The following SEMA3E variants were observed in gnomAD, a reference collection of about 807,000 sequenced individuals.
The protein encoded by SEMA3E is semaphorin 3E.
Under a neutral mutation model 93.6 loss-of-function variants are expected in SEMA3E, and 49 were observed. That is an observed-to-expected ratio of 0.52 (90% CI 0.42 to 0.66). SEMA3E has a LOEUF of 0.66. Ranked by LOEUF, SEMA3E falls within the 30% of genes least tolerant of loss-of-function variation. The pLI, the probability that SEMA3E is intolerant of heterozygous loss-of-function variation, is 0.00. For missense variants in SEMA3E, 906 were observed against 964.8 expected, an observed-to-expected ratio of 0.94 and a Z score of 0.81; for synonymous variants, 363 against 330.7, an observed-to-expected ratio of 1.10 and a Z score of -1.06.
chr7:83,370,993 T>C (rs1350817134), intron 16 of SEMA3E, among the ~76,000 whole-genome samples: 3 of 152,166 alleles, frequency 2.0e-5, no homozygotes, highest in Non-Finnish European at 4.4e-5. Flanking sequence ...GAACCCAAAA[T>C]TGCTTAATGT....
At chr7:83,516,240 A>G (rs907384042) in intron 1 of SEMA3E, among the ~76,000 whole-genome samples, 2 of 152,202 alleles carry the variant, frequency 1.3e-5, no homozygotes, top group Non-Finnish European at 2.9e-5. Flanking sequence ...TAATACATGC[A>G]ATAGTCATGG....
intron 6 of SEMA3E, among the ~76,000 whole-genome samples, chr7:83,407,444 G>C (rs1454765726): frequency 6.6e-6 from 1 of 151,950 alleles, no homozygotes; most frequent in Non-Finnish European, 1.5e-5. Flanking sequence ...AGCCCTTTTA[G>C]AAATATTACA....
At chr7:83,403,003 T>C (rs2115629402) in intron 9 of SEMA3E, among the ~76,000 whole-genome samples, 1 of 152,128 alleles carries the variant, frequency 6.6e-6, no homozygotes, top group South Asian at 2.1e-4. Flanking sequence ...AAGATGACAT[T>C]GTTACAATGA....
Position 83,443,895 on chromosome 7 carries a change from C to T in SEMA3E, c.456+22587G>A, listed in dbSNP as rs1038200728. On this transcript the variant is annotated intron_variant, in intron 4 of 16. Transcript: ENST00000643230. ...TAAATAACTAGGTTAAGTTAAATAACGTTAAGTAAAATAATGACCTGATAT... is the reference window on the plus strand; with the variant it reads ...TAAATAACTAGGTTAAGTTAAATAATGTTAAGTAAAATAATGACCTGATAT... Among the ~76,000 whole-genome samples the T allele has an allele frequency of 2.8e-5, 4 of 143,828 alleles. No homozygotes were observed. The East Asian group carries it at 6.2e-4, about 22-fold the overall frequency. The allele number at this position is 143,828 out of a possible 152,430, so 94.4% of individuals were successfully genotyped here.
At chr7:83,431,050 T>G (rs2115743495) in intron 4 of SEMA3E, among the ~76,000 whole-genome samples, 2 of 147,984 alleles carry the variant, frequency 1.4e-5, no homozygotes, top group East Asian at 4.0e-4. Flanking sequence ...CTATTGGAAC[T>G]CTGAAATAAA....
intron 1 of SEMA3E, among the ~76,000 whole-genome samples, chr7:83,536,340 T>C (rs2115744903): frequency 6.6e-6 from 1 of 152,236 alleles, no homozygotes; most frequent in African/African-American, 2.4e-5. Flanking sequence ...GAAAATAATA[T>C]GTTTCTCATG....
chr7:83,514,954 T>G (rs1790896961), intron 1 of SEMA3E, among the ~76,000 whole-genome samples: 1 of 152,198 alleles, frequency 6.6e-6, no homozygotes, highest in Admixed American at 6.5e-5. Context: ...TACATGTATA[T>G]ACACAGAAAA....
In SEMA3E at chr7:83,466,505, T is replaced by A. The variant is rs1349406507; in HGVS notation, c.433A>T (p.Ile145Phe). Residue 145 changes from isoleucine to phenylalanine, a missense_variant, in exon 4 of 17, where the codon ATC becomes TTC. By Grantham distance (21) the Ile-to-Phe change is conservative. Transcript: ENST00000643230. Reference sequence around the variant, plus strand: ...ACCTCCAAATGATATCCAACTCTGATGAAGGCACAAACTGGATCAAAAGCT... The same window carrying A: ...ACCTCCAAATGATATCCAACTCTGAAGAAGGCACAAACTGGATCAAAAGCT... ...TGAFDPVCAF[I>F]RVGYHLEDPL... 2.5e-6 allele frequency: 4 copies of A among 1,613,870 alleles called. No individual in the cohort carries two copies. Among genetic ancestry groups the A allele is most frequent in the Non-Finnish European group, 3.4e-6 (4 of 1,179,974 alleles).
intron 4 of SEMA3E, among the ~76,000 whole-genome samples, chr7:83,452,421 T>C (rs1158581694): frequency 6.6e-6 from 1 of 152,132 alleles, no homozygotes; most frequent in Non-Finnish European, 1.5e-5. Flanking sequence ...CCTCTCCCGC[T>C]CCCTCATTCC....
intron 14 of SEMA3E, among the ~76,000 whole-genome samples, chr7:83,389,440 A>G (rs1345464242): frequency 7.1e-6 from 1 of 141,230 alleles, no homozygotes; most frequent in African/African-American, 2.5e-5. Context: ...ATTCTAGATA[A>G]GCAATGTCAA....
intron 1 of SEMA3E, among the ~76,000 whole-genome samples, chr7:83,546,283 G>A (rs1462475156): frequency 1.3e-5 from 2 of 148,398 alleles, no homozygotes; most frequent in South Asian, 4.3e-4. Flanking sequence ...TGAATACTAG[G>A]TGCTTAATGA....
At chr7:83,600,486 A>ATTTTTTTTTTTTTTTTTTTTTT (rs71522671) in intron 1 of SEMA3E, among the ~76,000 whole-genome samples, 2 of 63,050 alleles carry the variant, frequency 3.2e-5, no homozygotes, top group Non-Finnish European at 5.9e-5. Flanking sequence ...CGCCCAGCTA[A>ATTTTTTTTTTTTTTTTTTTTTT]TTTTTTTTTT....
chr7:83,586,745 C>T (rs1260326670), intron 1 of SEMA3E, among the ~76,000 whole-genome samples: 1 of 151,740 alleles, frequency 6.6e-6, no homozygotes, highest in Non-Finnish European at 1.5e-5. Context: ...TTTTCCTATC[C>T]TTGTGTACAG....
intron 1 of SEMA3E, among the ~76,000 whole-genome samples, chr7:83,628,915 CAT>C (rs1341237370): frequency 6.6e-6 from 1 of 152,062 alleles, no homozygotes; most frequent in Non-Finnish European, 1.5e-5. Flanking sequence ...TCCTCATCCT[CAT>C]GTGTTTGTCT....
chr7:83,639,802 T>C (rs1471317015), intron 1 of SEMA3E, among the ~76,000 whole-genome samples: 5 of 151,656 alleles, frequency 3.3e-5, no homozygotes, highest in African/African-American at 1.2e-4. Flanking sequence ...TCAAAAATTG[T>C]AAGTCTATAC....
chr7:83,372,389 G>A (rs1190833753), intron 16 of SEMA3E: 1 of 396,510 alleles, frequency 2.5e-6, no homozygotes, highest in Non-Finnish European at 4.4e-6. Flanking sequence ...AAATATTAAA[G>A]TGATCTAGCC....
At chr7:83,512,318 C>T (rs7802301) in intron 1 of SEMA3E, among the ~76,000 whole-genome samples, 8,524 of 152,220 alleles carry the variant, frequency 0.056, 824 homozygotes, top group African/African-American at 0.19. Flanking sequence ...GAGCAGCTCT[C>T]AAGCTAGCAA....
intron 4 of SEMA3E, among the ~76,000 whole-genome samples, chr7:83,450,206 TAGC>T (rs1488175263): frequency 6.6e-6 from 1 of 152,184 alleles, no homozygotes; most frequent in Non-Finnish European, 1.5e-5. Context: ...AAAAATGGTT[TAGC>T]AGTATTTACT....
chr7:83,438,719 T>A lies in SEMA3E; in HGVS notation c.457-20236A>T, dbSNP rs181645815. ...AAAAAATATGCTATATATATTATAA[T>A]TTAATATGGCTAAATAATTATATAT... On this transcript the variant is annotated intron_variant, in intron 4 of 16. Transcript: ENST00000643230. Among the ~76,000 whole-genome samples the A allele has an allele frequency of 2.7e-3, 415 of 152,112 alleles. 4 individuals carry two copies. The highest frequency in any genetic ancestry group is 8.4e-3 in the African/African-American group (350 of 41,526).
Sources: allele counts gnomAD v4.1 joint callset (sites outside exome capture counted in the v4.1 genomes callset), GRCh38; gene constraint gnomAD v4.1.1; transcripts MANE v1.5; gene names NCBI Gene and HGNC (gene_info 2026-07-23, HGNC 2026-07-21).